SP140: variants seen among roughly 807,000 people sequenced by gnomAD.
The protein encoded by SP140 is nuclear body protein SP140.
A neutral mutation model predicts 125.0 loss-of-function variants in SP140; 81 were observed. That is an observed-to-expected ratio of 0.65 (90% confidence interval 0.54 to 0.78). SP140 has a LOEUF of 0.78. Among genes scored for constraint, SP140 ranks in the 30% least tolerant of loss-of-function variants. The pLI is 0.00. For synonymous variants in SP140, 312 were observed against 354.0 expected (o/e 0.88, Z 1.33); for missense variants, 858 against 1,037.0 (o/e 0.83, Z 2.37).
At chr2:230,222,757 C>T (rs2045925539), upstream of SP140, among the ~76,000 whole-genome samples, 1 of 149,454 alleles carries the variant, frequency 6.7e-6, no homozygotes, top group South Asian at 2.1e-4. Context: ...GTGACCTTTG[C>T]AAACAATCCC....
At chr2:230,307,898 A>G (rs2058917180) in intron 22 of SP140, among the ~76,000 whole-genome samples, 1 of 147,262 alleles carries the variant, frequency 6.8e-6, no homozygotes, top group East Asian at 2.0e-4. Flanking sequence ...CCGTAACACT[A>G]CTGGGTGTCT....
upstream of SP140, chr2:230,202,481 A>T: frequency 5.3e-6 from 6 of 1,131,734 alleles, no homozygotes; most frequent in Admixed American, 1.9e-5. Flanking sequence ...TTTTCCTTTT[A>T]CTATTGACTT....
chr2:230,288,506 TTTC>T (rs1292026022), intron 18 of SP140, among the ~76,000 whole-genome samples: 25 of 121,852 alleles, frequency 2.1e-4, no homozygotes, highest in African/African-American at 6.9e-4. Flanking sequence ...TCTTTCTTTC[TTTC>T]TTTCTTTCTT....
intron 12 of SP140, among the ~76,000 whole-genome samples, chr2:230,260,715 T>A (rs1323202183): frequency 6.6e-6 from 1 of 152,188 alleles, no homozygotes; most frequent in Non-Finnish European, 1.5e-5. Context: ...TTCCCCACTT[T>A]ATGGTTTGTT....
intron 3 of SP140, 110 bp downstream of exon 3, chr2:230,238,491 A>C: frequency 9.4e-7 from 1 of 1,066,434 alleles, no homozygotes; most frequent in Non-Finnish European, 1.4e-6. Flanking sequence ...TGACTATTAC[A>C]TGCCAAGCCC....
chr2:230,293,607 G>T (rs76550567), intron 20 of SP140, among the ~76,000 whole-genome samples: 15 of 151,640 alleles, frequency 9.9e-5, no homozygotes, highest in Non-Finnish European at 2.2e-4. Flanking sequence ...AAATGCTGGG[G>T]TTACAGGCGA....
intron 12 of SP140, among the ~76,000 whole-genome samples, chr2:230,262,919 GA>G (rs2052508737): frequency 1.3e-5 from 2 of 152,240 alleles, no homozygotes; most frequent in South Asian, 4.1e-4. Flanking sequence ...CTGTTAAATA[GA>G]ATGTATATTC....
At chr2:230,259,551 T>G (rs1575069909) in intron 12 of SP140, among the ~76,000 whole-genome samples, 1 of 149,992 alleles carries the variant, frequency 6.7e-6, no homozygotes, top group Non-Finnish European at 1.5e-5. Flanking sequence ...TCAGGCATGG[T>G]AGTGTGTGCC....
upstream of SP140, chr2:230,201,113 G>T: frequency 1.4e-6 from 1 of 726,120 alleles, no homozygotes; most frequent in South Asian, 1.5e-5. Flanking sequence ...CAAGAGATTT[G>T]GTGCTGCTCA....
At chr2:230,312,417 C>G (rs1359579880) in intron 26 of SP140, among the ~76,000 whole-genome samples, 169 bp from the exon 27 acceptor site, 2 of 152,142 alleles carry the variant, frequency 1.3e-5, no homozygotes, top group South Asian at 2.1e-4. Context: ...TTCCACATAG[C>G]AGTCATAAAT....
At chr2:230,194,249 A>G in the SP140 span, among the ~76,000 whole-genome samples, 2 of 152,108 alleles carry the variant, frequency 1.3e-5, no homozygotes, top group South Asian at 2.1e-4. Flanking sequence ...AGAATCCAAG[A>G]GAATCCCCAC....
chr2:230,265,214 C>T (rs1431524847), intron 12 of SP140, among the ~76,000 whole-genome samples: 1 of 152,056 alleles, frequency 6.6e-6, no homozygotes, highest in African/African-American at 2.4e-5. Context: ...ATGGCTGCCT[C>T]TGCTGAGTCA....
chr2:230,201,030 C>A, upstream of SP140: 1 of 1,267,498 alleles, frequency 7.9e-7, no homozygotes, highest in Non-Finnish European at 1.2e-6. Flanking sequence ...CCCAGAGACC[C>A]AGGAAGGCCC....
At chr2:230,234,490 G>A (rs977911034) in intron 1 of SP140, among the ~76,000 whole-genome samples, 1 of 152,196 alleles carries the variant, frequency 6.6e-6, no homozygotes, top group Non-Finnish European at 1.5e-5. Context: ...GCCCTCATAC[G>A]TGAATCATTG....
In SP140 at chr2:230,211,928, A is replaced by G. The variant is rs1214148368; in HGVS notation, c.-322-1726A>G. On this transcript the variant is annotated intron_variant, in intron 1 of 4. Coordinates refer to the SP140 transcript ENST00000456542. The surrounding 1 kb of genome is among the most constrained non-coding windows in gnomAD (Gnocchi z 4.2). ...TTTAATGTAATCAAACTCCATTATGATGATGGTTTGGGGAGGACAAGTGAT... is the reference window on the plus strand; with the variant it reads ...TTTAATGTAATCAAACTCCATTATGGTGATGGTTTGGGGAGGACAAGTGAT... Among the ~76,000 whole-genome samples the G allele has an allele frequency of 6.6e-6, 1 of 152,216 alleles. No individual in the cohort carries two copies. Among genetic ancestry groups the G allele is most frequent in the Non-Finnish European group, 1.5e-5 (1 of 68,038 alleles).
chr2:230,254,864 A>G (rs2050900323), intron 11 of SP140, among the ~76,000 whole-genome samples: 1 of 152,138 alleles, frequency 6.6e-6, no homozygotes, highest in African/African-American at 2.4e-5. Context: ...AGGAGCTGCA[A>G]TGATCTGATC....
In SP140 at chr2:230,307,955, G is replaced by GTATATATATATATATATATATATA. The variant is rs60233854; in HGVS notation, c.2059-1956_2059-1933dup. ...ATGAAAAAGACACTTGGACATGCATGTATATATATATATATATATATATAT... is the reference window on the plus strand; with the variant it reads ...ATGAAAAAGACACTTGGACATGCATGTATATATATATATATATATATATATATATATATATATATATATATATAT... On this transcript the variant is annotated intron_variant, in intron 22 of 26. Coordinates refer to ENST00000392045, the MANE Select transcript of SP140 (RefSeq NM_007237.5). Among the ~76,000 whole-genome samples, 29 of 48,412 alleles carry GTATATATATATATATATATATATA rather than the reference G, an allele frequency of 6.0e-4. 1 individual carries two copies. Among genetic ancestry groups the GTATATATATATATATATATATATA allele is most frequent in the Non-Finnish European group, 1.0e-3 (21 of 20,144 alleles). The allele number at this position is 48,412 out of a possible 152,430, so 31.8% of individuals were successfully genotyped here. A position where few individuals can be genotyped will look rare whatever the true frequency, so the allele number is the denominator to read the frequency against.
chr2:230,299,241 A>C (rs1345287337), intron 22 of SP140, among the ~76,000 whole-genome samples: 1 of 152,204 alleles, frequency 6.6e-6, no homozygotes, highest in Non-Finnish European at 1.5e-5. Flanking sequence ...AAACTCTGGG[A>C]GATAGCCAAA....
At chr2:230,247,854 T>G in intron 7 of SP140, 62 bp from the exon 8 acceptor site, 1 of 1,541,928 alleles carries the variant, frequency 6.5e-7, no homozygotes, top group South Asian at 1.2e-5. Context: ...TCATGCTCAC[T>G]AATCTAGTGA....
Sources: gnomAD v4.1 joint callset for allele counts (sites outside exome capture counted in the v4.1 genomes callset) on GRCh38, gnomAD v4.1.1 for gene constraint, Gnocchi (gnomAD v3.1) non-coding constraint, MANE v1.5 for transcripts, NCBI Gene and HGNC (gene_info 2026-07-23, HGNC 2026-07-21) for gene names.